GRIK1: variants seen among roughly 807,000 people sequenced by gnomAD.
The protein encoded by GRIK1 is glutamate receptor ionotropic, kainate 1.
GRIK1 carries 69 observed loss-of-function variants against 105.7 expected under a neutral mutation model. The observed-to-expected ratio is 0.65, with a 90% CI of 0.54 to 0.80. The LOEUF (loss-of-function observed/expected upper bound fraction) is 0.80. Ranked by LOEUF, GRIK1 falls within the 30% of genes least tolerant of loss-of-function variation. The pLI is 0.00. For missense variants in GRIK1, 1,109 were observed against 1,167.3 expected (o/e 0.95, Z 0.73); for synonymous variants, 438 against 431.3 (o/e 1.02, Z -0.19).
Position 29,939,434 on chromosome 21 carries a change from AGAG to A in GRIK1, c.64_66del (p.Leu22del), listed in dbSNP as rs2071897487. On this transcript the variant is annotated inframe_deletion, in exon 1 of 18. Transcript: ENST00000327783. The stretch of plus-strand genomic sequence containing the variant: ...TGAGGGAGGATATAGCAGAGGAAAT[AGAG>A]GAGTGCCCAGCTGGTGTCCCTGGTC... 1 of 1,593,518 alleles carries A rather than the reference AGAG, an allele frequency of 6.3e-7. No individual in the cohort carries two copies. The highest frequency in any genetic ancestry group is 1.1e-5 in the South Asian group (1 of 88,206).
chr21:29,784,155 C>G (rs1219462242), intron 1 of GRIK1, among the ~76,000 whole-genome samples: 1 of 152,268 alleles, frequency 6.6e-6, no homozygotes, highest in Non-Finnish European at 1.5e-5. Context: ...GTAAATCACA[C>G]TATGTCAATA....
intron 1 of GRIK1, among the ~76,000 whole-genome samples, chr21:29,784,597 T>C (rs2066210168): frequency 6.6e-6 from 1 of 152,156 alleles, no homozygotes; most frequent in Admixed American, 6.5e-5. Context: ...GACACTTCTA[T>C]TTAAAGTATG....
At chr21:29,852,038 A>G (rs185173436) in intron 1 of GRIK1, among the ~76,000 whole-genome samples, 104 of 152,006 alleles carry the variant, frequency 6.8e-4, no homozygotes, top group African/African-American at 2.5e-3. Flanking sequence ...AAGTCTGACT[A>G]TTTCTCCTTC....
At position 29,890,828 on chromosome 21, in the gene GRIK1, A is replaced by G. The variant is rs114381268; in HGVS notation, c.118+48555T>C. Among the ~76,000 whole-genome samples the G allele has an allele frequency of 4.1e-3, 622 of 152,284 alleles. 5 individuals carry two copies. The highest frequency in any genetic ancestry group is 0.014 in the African/African-American group (592 of 41,574). The stretch of plus-strand genomic sequence containing the variant: ...GACTGTAAAAAGATGCCCTTGTTAC[A>G]CAAAGTGGCATGGAAAAGTTGGAGA... On this transcript the variant is annotated intron_variant, in intron 1 of 17. Transcript: ENST00000327783.
chr21:29,825,139 T>C (rs529083210), intron 1 of GRIK1, among the ~76,000 whole-genome samples: 29 of 152,234 alleles, frequency 1.9e-4, no homozygotes, highest in Non-Finnish European at 3.7e-4. Context: ...AAATGAGGAA[T>C]CATCAAAGAA....
chr21:29,735,579 G>A (rs985242150), intron 1 of GRIK1, among the ~76,000 whole-genome samples: 2 of 152,056 alleles, frequency 1.3e-5, no homozygotes, highest in Admixed American at 1.3e-4. Context: ...CTTGTATGCA[G>A]GGTGAGTCTG....
intron 10 of GRIK1, among the ~76,000 whole-genome samples, chr21:29,589,531 C>G (rs532647417): frequency 1.3e-5 from 2 of 151,932 alleles, no homozygotes; most frequent in Non-Finnish European, 2.9e-5. Flanking sequence ...AAGCCTTTCT[C>G]CTTTCTCAGC....
chr21:29,644,644 C>T (rs2268205), intron 6 of GRIK1, among the ~76,000 whole-genome samples: 29,313 of 152,066 alleles, frequency 0.19, 3,034 homozygotes, highest in Non-Finnish European at 0.23. Flanking sequence ...AACTAAGGCT[C>T]ATGGAAATTG....
chr21:29,783,379 C>T (rs927531226), intron 1 of GRIK1, among the ~76,000 whole-genome samples: 1 of 152,026 alleles, frequency 6.6e-6, no homozygotes, highest in Non-Finnish European at 1.5e-5. Context: ...TTTTGTCTGT[C>T]ATATATTTTG....
intron 1 of GRIK1, among the ~76,000 whole-genome samples, chr21:29,920,211 A>G (rs2071145725): frequency 6.6e-6 from 1 of 151,536 alleles, no homozygotes; most frequent in African/African-American, 2.4e-5. Flanking sequence ...TGGGGGAGAT[A>G]GCTATTGGTT....
chr21:29,677,101 A>C (rs1217817400), intron 3 of GRIK1, among the ~76,000 whole-genome samples: 1 of 152,220 alleles, frequency 6.6e-6, no homozygotes, highest in Admixed American at 6.5e-5. Context: ...ATGGTTCAAC[A>C]GTGCTACTAC....
At chr21:29,554,878 C>T (rs560544817) in intron 16 of GRIK1, among the ~76,000 whole-genome samples, 174 bp downstream of exon 16, 1 of 152,240 alleles carries the variant, frequency 6.6e-6, no homozygotes, top group Admixed American at 6.5e-5. Context: ...GATGGACCTG[C>T]AGTGCCCACA....
At chr21:29,789,223 T>A (rs1487466254) in intron 1 of GRIK1, among the ~76,000 whole-genome samples, 1 of 152,218 alleles carries the variant, frequency 6.6e-6, no homozygotes, top group African/African-American at 2.4e-5. Context: ...GACTTCCTTG[T>A]TTACCTAGGG....
intron 1 of GRIK1, among the ~76,000 whole-genome samples, chr21:29,931,049 C>T (rs1387057811): frequency 6.6e-6 from 1 of 152,152 alleles, no homozygotes; most frequent in Non-Finnish European, 1.5e-5. Flanking sequence ...GAATACAGTA[C>T]CAAGTTCACA....
At chr21:29,847,755 C>T (rs1353736755) in intron 1 of GRIK1, among the ~76,000 whole-genome samples, 2 of 152,224 alleles carry the variant, frequency 1.3e-5, no homozygotes, top group Admixed American at 1.3e-4. Context: ...GTATCCTCAG[C>T]TGGACTTCCA....
chr21:29,560,553 T>TC (rs2090444652), intron 15 of GRIK1, among the ~76,000 whole-genome samples: 1 of 123,982 alleles, frequency 8.1e-6, no homozygotes, highest in African/African-American at 3.4e-5. Flanking sequence ...TCTTTCTTTC[T>TC]TTCTTTCTTT....
At chr21:29,796,957 A>G (rs2066575234) in intron 1 of GRIK1, among the ~76,000 whole-genome samples, 2 of 121,184 alleles carry the variant, frequency 1.7e-5, no homozygotes, top group Admixed American at 9.9e-5. Flanking sequence ...TCAAAAGCAA[A>G]CAAACAAACA....
chr21:29,887,502 G>T (rs1412618734), intron 1 of GRIK1, among the ~76,000 whole-genome samples: 1 of 152,128 alleles, frequency 6.6e-6, no homozygotes, highest in East Asian at 1.9e-4. Flanking sequence ...AATCATGTTA[G>T]CACACCTCTA....
At chr21:29,607,024 G>A (rs1250445555) in intron 7 of GRIK1, among the ~76,000 whole-genome samples, 2 of 152,106 alleles carry the variant, frequency 1.3e-5, no homozygotes, top group African/African-American at 4.8e-5. Flanking sequence ...TGAAGTAGTG[G>A]GTATTTGACT....
Sources: gnomAD v4.1 joint callset for allele counts (sites outside exome capture counted in the v4.1 genomes callset) on GRCh38, gnomAD v4.1.1 for gene constraint, MANE v1.5 for transcripts, NCBI Gene and HGNC (gene_info 2026-07-23, HGNC 2026-07-21) for gene names.